The following DLGAP2 variants were observed in gnomAD, a reference collection of about 807,000 sequenced individuals.
The protein encoded by DLGAP2 is disks large-associated protein 2.
A neutral mutation model predicts 100.3 loss-of-function variants in DLGAP2; 26 were observed. That is an observed-to-expected ratio of 0.26 (90% confidence interval 0.19 to 0.36). DLGAP2 has a LOEUF of 0.36. Ranked by LOEUF, DLGAP2 falls within the 10% of genes least tolerant of loss-of-function variation. The pLI, the probability that DLGAP2 is intolerant of heterozygous loss-of-function variation, is 1.00. For synonymous variants in DLGAP2, 886 were observed against 630.1 expected (o/e 1.41, Z -6.08); for missense variants, 1,858 against 1,453.2 (o/e 1.28, Z -4.53).
chr8:1,628,009 C>T (rs573908740), intron 7 of DLGAP2, among the ~76,000 whole-genome samples: 5 of 115,402 alleles, frequency 4.3e-5, no homozygotes, highest in East Asian at 2.3e-4. Context: ...CTTGAGCCGA[C>T]CTCACATTCT....
intron 2 of DLGAP2, among the ~76,000 whole-genome samples, chr8:1,054,762 A>T (rs1350338350): frequency 6.6e-6 from 1 of 152,198 alleles, no homozygotes; most frequent in Non-Finnish European, 1.5e-5. Flanking sequence ...ACGCTGTTGC[A>T]CTGGACAAGA....
chr8:918,194 G>A (rs919916515), intron 2 of DLGAP2, among the ~76,000 whole-genome samples: 17 of 152,174 alleles, frequency 1.1e-4, no homozygotes, highest in Admixed American at 1.0e-3. Flanking sequence ...TCTGTGTGCA[G>A]GAGACTGGGG....
chr8:1,274,296 C>G (rs140194460), intron 3 of DLGAP2, among the ~76,000 whole-genome samples: 1,684 of 152,238 alleles, frequency 0.011, 34 homozygotes, highest in African/African-American at 0.037. Context: ...ACGCATGACA[C>G]AACCACACTT....
chr8:1,417,617 C>T (rs575833010), intron 3 of DLGAP2, among the ~76,000 whole-genome samples: 13 of 140,892 alleles, frequency 9.2e-5, no homozygotes, highest in African/African-American at 3.2e-4. Context: ...AAGGACTTCA[C>T]TGCGTGGCCG....
chr8:1,021,693 G>T (rs1801627130), intron 2 of DLGAP2, among the ~76,000 whole-genome samples: 1 of 152,172 alleles, frequency 6.6e-6, no homozygotes, highest in Non-Finnish European at 1.5e-5. Context: ...AATTTTACAG[G>T]TGAGTACTTC....
chr8:1,221,528 A>T (rs1798314179), intron 2 of DLGAP2, among the ~76,000 whole-genome samples: 2 of 150,640 alleles, frequency 1.3e-5, no homozygotes, highest in African/African-American at 2.4e-5. Flanking sequence ...TGCATTTAGC[A>T]TTTTTTTTTC....
chr8:843,407 G>A (rs918156964), intron 1 of DLGAP2, among the ~76,000 whole-genome samples: 8 of 152,190 alleles, frequency 5.3e-5, no homozygotes, highest in African/African-American at 7.2e-5. Flanking sequence ...CTGTCTTTAC[G>A]GGGAGACCCC....
Position 1,366,346 on chromosome 8 carries a change from G to A in DLGAP2, c.106+107463G>A, listed in dbSNP as rs966316863. ...TCTCCTGTTGTTTAGGAATTCCCAG[G>A]CTGGAGGGGCTGCACACCCAGGGAC... is the stretch of plus-strand genomic sequence containing the variant. On this transcript the variant is annotated intron_variant, in intron 3 of 14. Transcript: ENST00000637795. Among the ~76,000 whole-genome samples, 2 of 152,320 alleles carry A rather than the reference G, an allele frequency of 1.3e-5. 1 individual carries two copies. Among genetic ancestry groups the A allele is most frequent in the South Asian group, 4.1e-4 (2 of 4,830 alleles).
At chr8:1,317,610 G>A (rs886396043) in intron 3 of DLGAP2, among the ~76,000 whole-genome samples, 2 of 143,126 alleles carry the variant, frequency 1.4e-5, no homozygotes, top group East Asian at 2.1e-4. Context: ...TGCGAGTGCA[G>A]CGTCTCTCCA....
intron 1 of DLGAP2, among the ~76,000 whole-genome samples, chr8:869,937 G>A (rs1489288884): frequency 2.0e-5 from 3 of 151,654 alleles, no homozygotes; most frequent in African/African-American, 7.3e-5. Context: ...ACAGAATGAG[G>A]TTATTGGTGG....
chr8:1,232,980 C>G lies in DLGAP2; in HGVS notation c.74-25871C>G, dbSNP rs114626398. Among the ~76,000 whole-genome samples the G allele has an allele frequency of 9.5e-3, 1,446 of 152,322 alleles. 24 individuals carry two copies. Among genetic ancestry groups the G allele is most frequent in the African/African-American group, 0.033 (1,370 of 41,564 alleles). On this transcript the variant is annotated intron_variant, in intron 2 of 14. Transcript: ENST00000637795. Reference sequence around the variant, plus strand: ...AGGAAGTCCCCAGTCTACTTCCTGTCTCTATGAACTTGCTATGCTGAACAT... The same window carrying G: ...AGGAAGTCCCCAGTCTACTTCCTGTGTCTATGAACTTGCTATGCTGAACAT...
At chr8:1,085,454 C>T (rs956954586) in intron 2 of DLGAP2, among the ~76,000 whole-genome samples, 4 of 152,116 alleles carry the variant, frequency 2.6e-5, no homozygotes, top group Non-Finnish European at 4.4e-5. Context: ...GTAGTCTTTT[C>T]CCCCTAAGTT....
intron 1 of DLGAP2, among the ~76,000 whole-genome samples, chr8:800,165 A>G (rs946885417): frequency 2.0e-5 from 3 of 152,190 alleles, no homozygotes; most frequent in Non-Finnish European, 2.9e-5. Context: ...GGATATGGTC[A>G]TGCTGTGCCC....
At chr8:1,343,697 A>G (rs1563094642) in intron 3 of DLGAP2, among the ~76,000 whole-genome samples, 1 of 134,562 alleles carries the variant, frequency 7.4e-6, no homozygotes, top group Non-Finnish European at 1.7e-5. Flanking sequence ...AGCAGTTTGC[A>G]TCTGGGGGGT....
intron 2 of DLGAP2, among the ~76,000 whole-genome samples, chr8:1,091,578 C>T (rs998290840): frequency 1.2e-4 from 18 of 152,196 alleles, no homozygotes; most frequent in Admixed American, 2.6e-4. Flanking sequence ...GCCAAGAGCC[C>T]GCAGTGATGC....
At chr8:863,084 G>A (rs932188583) in intron 1 of DLGAP2, among the ~76,000 whole-genome samples, 4 of 152,162 alleles carry the variant, frequency 2.6e-5, no homozygotes, top group South Asian at 2.1e-4. Context: ...ATGCATGCAC[G>A]ATTCCGTTGG....
chr8:751,421 C>T (rs1005159611), intron 1 of DLGAP2, among the ~76,000 whole-genome samples: 4 of 152,228 alleles, frequency 2.6e-5, no homozygotes, highest in African/African-American at 4.8e-5. Context: ...GGAGGTGTCG[C>T]GCCATCTGTC....
intron 2 of DLGAP2, among the ~76,000 whole-genome samples, chr8:1,141,540 A>G (rs931099377): frequency 2.0e-5 from 3 of 152,178 alleles, no homozygotes; most frequent in Admixed American, 6.5e-5. Context: ...GATCTTTCTT[A>G]TATTATTAAT....
intron 3 of DLGAP2, among the ~76,000 whole-genome samples, chr8:1,497,262 G>A (rs977628761): frequency 1.1e-4 from 16 of 152,198 alleles, no homozygotes; most frequent in Non-Finnish European, 2.2e-4. Context: ...TCAGAGGTCG[G>A]CGCTGTCAGT....
Sources: allele counts gnomAD v4.1 joint callset (sites outside exome capture counted in the v4.1 genomes callset), GRCh38; gene constraint gnomAD v4.1.1; transcripts MANE v1.5; gene names NCBI Gene and HGNC (gene_info 2026-07-23, HGNC 2026-07-21).